Variants in GHITM observed in about 807,000 individuals in gnomAD.
GHITM encodes the protein growth hormone-inducible transmembrane protein.
A neutral mutation model predicts 38.7 loss-of-function variants in GHITM; 24 were observed. That is an observed-to-expected ratio of 0.62 (90% confidence interval 0.45 to 0.87). The LOEUF (loss-of-function observed/expected upper bound fraction) is 0.87. GHITM is among the 40% of genes least tolerant of loss of function. The pLI is 0.00. For missense variants in GHITM, 420 were observed against 429.8 expected (o/e 0.98, Z 0.20); for synonymous variants, 154 against 147.8 (o/e 1.04, Z -0.30).
rs376878020 is a variant in GHITM, at chr10:84,148,873, T to C, written c.592+35T>C. ...GTTTTAAATTGTTACGAGACAACCTTGACTACCACCTTTTTTGGGTGGCTC... is the reference window on the plus strand; with the variant it reads ...GTTTTAAATTGTTACGAGACAACCTCGACTACCACCTTTTTTGGGTGGCTC... On this transcript the variant is annotated intron_variant, in intron 6 of 8. Transcript: ENST00000372134. 6 of 1,270,806 alleles carry C rather than the reference T, an allele frequency of 4.7e-6. No individual in the cohort carries two copies. The African/African-American group carries it at 8.8e-5, about 19-fold the overall frequency. The allele number at this position is 1,270,806 out of a possible 1,614,324, so 78.7% of individuals were successfully genotyped here.
intron 6 of GHITM, among the ~76,000 whole-genome samples, chr10:84,149,545 C>CTGTAATTTTTAT (rs71009897): frequency 0.76 from 114,899 of 151,756 alleles, 43,859 homozygotes; most frequent in African/African-American, 0.87. Context: ...AAATTTTTTA[C>CTGTAATTTTTAT]GAAATTGTTT....
At chr10:84,148,333 C>A (rs1841577665) in intron 5 of GHITM, among the ~76,000 whole-genome samples, 1 of 152,038 alleles carries the variant, frequency 6.6e-6, no homozygotes, top group African/African-American at 2.4e-5. Flanking sequence ...CGCTCTGTCA[C>A]CCAGGCTAGA....
At chr10:84,143,887 T>A in intron 3 of GHITM, 108 bp from the exon 4 acceptor site, 1 of 824,236 alleles carries the variant, frequency 1.2e-6, no homozygotes, top group Non-Finnish European at 2.1e-6. Flanking sequence ...ATGCACTGAT[T>A]ATGGCTTCTA....
intron 5 of GHITM, among the ~76,000 whole-genome samples, chr10:84,147,752 T>C (rs1231750538): frequency 6.6e-6 from 1 of 152,218 alleles, no homozygotes; most frequent in African/African-American, 2.4e-5. Context: ...TACATGTTAA[T>C]ACATTCTTCT....
intron 8 of GHITM, among the ~76,000 whole-genome samples, chr10:84,151,807 CTT>C (rs991814362): frequency 6.6e-6 from 1 of 151,842 alleles, no homozygotes; most frequent in Non-Finnish European, 1.5e-5. Context: ...AAAAATAAAA[CTT>C]AATGTAATGG....
chr10:84,144,167 A>C (rs1841534401), intron 4 of GHITM, 61 bp downstream of exon 4: 2 of 1,065,770 alleles, frequency 1.9e-6, no homozygotes, highest in Admixed American at 3.5e-5. Flanking sequence ...ACAAAAATTC[A>C]AATTTTCTTC....
At chr10:84,143,405 T>C (rs1158493439) in intron 3 of GHITM, among the ~76,000 whole-genome samples, 1 of 152,228 alleles carries the variant, frequency 6.6e-6, no homozygotes, top group African/African-American at 2.4e-5. Flanking sequence ...AGTGACAGCC[T>C]AGTAATATTC....
chr10:84,143,588 C>T (rs1841529187), intron 3 of GHITM, among the ~76,000 whole-genome samples: 1 of 152,124 alleles, frequency 6.6e-6, no homozygotes, highest in South Asian at 2.1e-4. Flanking sequence ...CGTAAAGCAT[C>T]ATTTGTGTTA....
rs1421075485 is a variant in GHITM, at chr10:84,152,566, A to G, written c.*218A>G. 7.7e-6 allele frequency: 3 copies of G among 388,158 alleles called. No individual in the cohort carries two copies. Among genetic ancestry groups the G allele is most frequent in the South Asian group, 1.1e-4 (1 of 9,306 alleles). The allele number at this position is 388,158 out of a possible 1,614,324, so 24.0% of individuals were successfully genotyped here. ...TCCCAAATAAGCACACACATTTTCAATTCTCATGTTTGAGTGATTTTAAAA... is the reference window on the plus strand; with the variant it reads ...TCCCAAATAAGCACACACATTTTCAGTTCTCATGTTTGAGTGATTTTAAAA... On this transcript the variant is annotated 3_prime_UTR_variant, in exon 9 of 9. Coordinates refer to ENST00000372134, the MANE Select transcript of GHITM (RefSeq NM_014394.3).
At position 84,147,032 on chromosome 10, in the gene GHITM, ATATTCT is replaced by A. The variant is rs1841563351; in HGVS notation, c.484-1695_484-1690del. ...GTAAGTCGACCAGATATGGAAGGAGATATTCTTAGGCATGATGGATTGAATTAAGGA... is the reference window on the plus strand; with the variant it reads ...GTAAGTCGACCAGATATGGAAGGAGATAGGCATGATGGATTGAATTAAGGA... On this transcript the variant is annotated intron_variant, in intron 5 of 8. Transcript: ENST00000372134. Among the ~76,000 whole-genome samples, 5 of 152,080 alleles carry A rather than the reference ATATTCT, an allele frequency of 3.3e-5. No individual in the cohort carries two copies. In the South Asian group the frequency reaches 1.0e-3, roughly 32 times the overall value.
chr10:84,146,864 G>A (rs1025871084), intron 5 of GHITM, among the ~76,000 whole-genome samples: 4 of 152,160 alleles, frequency 2.6e-5, no homozygotes, highest in African/African-American at 9.7e-5. Context: ...GGGTGTGACA[G>A]ACATATATAT....
chr10:84,151,660 A>G (rs1841613301), intron 8 of GHITM, among the ~76,000 whole-genome samples: 1 of 152,184 alleles, frequency 6.6e-6, no homozygotes, highest in South Asian at 2.1e-4. Context: ...AGAGATATGC[A>G]ACTTTAGTTG....
At position 84,150,155 on chromosome 10, in the gene GHITM, T is replaced by C. The variant is rs758170751; in HGVS notation, c.693T>C (p.Thr231=). 9 of 1,614,010 alleles carry C rather than the reference T, an allele frequency of 5.6e-6. No homozygotes were observed. Among genetic ancestry groups the C allele is most frequent in the Non-Finnish European group, 7.6e-6 (9 of 1,179,922 alleles). ...YTAGIVGGLS[T]VAMCAPSEKF... is the part of the protein sequence containing the mutation. ...CTGGCATTGTGGGAGGCCTCTCCAC[T>C]GTGGCCATGTGTGCGCCCAGTGAAA... Residue 231 remains threonine (T), a synonymous_variant, in exon 7 of 9, where the codon ACT becomes ACC. Coordinates refer to ENST00000372134, the MANE Select transcript of GHITM (RefSeq NM_014394.3).
chr10:84,141,253 G>C (rs1487310687), intron 1 of GHITM, among the ~76,000 whole-genome samples: 2 of 152,198 alleles, frequency 1.3e-5, no homozygotes, highest in African/African-American at 4.8e-5. Flanking sequence ...TCCATCTTCA[G>C]CTGTGTTCTC....
chr10:84,144,850 A>AT, intron 4 of GHITM, 25 bp from the exon 5 acceptor site: 1 of 1,525,210 alleles, frequency 6.6e-7, no homozygotes, highest in Non-Finnish European at 8.9e-7. Context: ...AATTTCATAG[A>AT]TTAATCATGT....
chr10:84,151,106 A>T (rs1451097130), intron 8 of GHITM, among the ~76,000 whole-genome samples: 1 of 152,150 alleles, frequency 6.6e-6, no homozygotes, highest in Non-Finnish European at 1.5e-5. Flanking sequence ...CCTGAGGGAA[A>T]ATCTGTTCCC....
Position 84,150,705 on chromosome 10 carries a change from T to C in GHITM, c.782-4T>C. The C allele has an allele frequency of 1.3e-6, 2 of 1,568,460 alleles. No individual in the cohort carries two copies. Among genetic ancestry groups the C allele is most frequent in the Non-Finnish European group, 1.7e-6 (2 of 1,156,278 alleles). ...AAAATCTTGTTTTCGCATTTTGATT[T>C]CAGGATCTATGTTTCTTCCACCTAC... is the stretch of plus-strand genomic sequence containing the variant. On this transcript the variant is annotated splice_polypyrimidine_tract_variant and splice_region_variant and intron_variant, in intron 7 of 8. Coordinates refer to ENST00000372134, the MANE Select transcript of GHITM (RefSeq NM_014394.3).
In GHITM at chr10:84,147,744, C is replaced by T. The variant is rs1204618646; in HGVS notation, c.484-986C>T. Among the ~76,000 whole-genome samples the T allele has an allele frequency of 3.3e-5, 5 of 152,130 alleles. No individual in the cohort carries two copies. The East Asian group carries it at 7.7e-4, about 23-fold the overall frequency. ...GATTAGCACCATCTTATTTCCATTACATGTTAATACATTCTTCTTGTCATA... is the reference window on the plus strand; with the variant it reads ...GATTAGCACCATCTTATTTCCATTATATGTTAATACATTCTTCTTGTCATA... On this transcript the variant is annotated intron_variant, in intron 5 of 8. Transcript: ENST00000372134.
Position 84,144,936 on chromosome 10 carries a change from A to G in GHITM, c.403A>G (p.Ile135Val). The change falls in exon 5 of 9, where the codon ATT becomes GTT. Residue 135 changes from isoleucine to valine, a missense_variant. Ile to Val is a conservative substitution (Grantham distance 29). Coordinates refer to ENST00000372134, the MANE Select transcript of GHITM (RefSeq NM_014394.3). The part of the protein sequence containing the change: ...HSTYMYLAGS[I>V]GLTALSAIAI... ...CACCTATATGTACTTAGCAGGGAGT[A>G]TTGGTTTAACAGCTTTGTCTGCCAT... 4 of 1,611,238 alleles carry G rather than the reference A, an allele frequency of 2.5e-6. No individual in the cohort carries two copies. The highest frequency in any genetic ancestry group is 3.4e-6 in the Non-Finnish European group (4 of 1,177,666).
Sources: allele counts gnomAD v4.1 joint callset (sites outside exome capture counted in the v4.1 genomes callset), GRCh38; gene constraint gnomAD v4.1.1; transcripts MANE v1.5; gene names NCBI Gene and HGNC (gene_info 2026-07-23, HGNC 2026-07-21).